The following MAGI3 variants were observed in gnomAD, a reference collection of about 807,000 sequenced individuals.
The protein encoded by MAGI3 is membrane-associated guanylate kinase, WW and PDZ domain-containing protein 3.
In MAGI3, 43 loss-of-function variants were observed where a neutral mutation model predicts 121.8. The ratio of observed to expected loss-of-function variants is 0.35; its 90% CI spans 0.28 to 0.46. The LOEUF (loss-of-function observed/expected upper bound fraction) is 0.46, where lower values mean the gene tolerates loss of function less well. Ranked by LOEUF, MAGI3 falls within the 20% of genes least tolerant of loss-of-function variation. The pLI, the probability that MAGI3 is intolerant of heterozygous loss-of-function variation, is 1.00. For synonymous variants in MAGI3, 553 were observed against 639.3 expected (o/e 0.86, Z 2.04); for missense variants, 1,547 against 1,797.3 (o/e 0.86, Z 2.52).
At chr1:113,578,546 G>A (rs927879425) in intron 2 of MAGI3, among the ~76,000 whole-genome samples, 3 of 151,878 alleles carry the variant, frequency 2.0e-5, no homozygotes, top group African/African-American at 7.3e-5. Context: ...TCAGCCTCAC[G>A]AGTGGCTAGG....
rs970086668 is a variant in MAGI3, at chr1:113,422,683, G to C, written c.316+31334G>C. On this transcript the variant is annotated intron_variant, in intron 1 of 20. Transcript: ENST00000307546. The surrounding 1 kb of genome is among the most constrained non-coding windows in gnomAD (Gnocchi z 4.3). Reference sequence around the variant, plus strand: ...CTTCTGCTGCGGGCACTAGTGTCTGGATAAGGGAACGTGGTGGCGCCTGAA... The same window carrying C: ...CTTCTGCTGCGGGCACTAGTGTCTGCATAAGGGAACGTGGTGGCGCCTGAA... 1.3e-5 allele frequency among the ~76,000 whole-genome samples: 2 copies of C among 152,350 alleles called. No homozygotes were observed. Among genetic ancestry groups the C allele is most frequent in the Admixed American group, 1.3e-4 (2 of 15,304 alleles).
chr1:113,403,675 A>T (rs1189563010), intron 1 of MAGI3: 1 of 152,158 alleles, frequency 6.6e-6, no homozygotes, highest in East Asian at 1.9e-4. Flanking sequence ...GAGACTGGAT[A>T]CTGACATGTT....
In MAGI3 at chr1:113,653,814, A is replaced by G. The variant is rs1653314501; in HGVS notation, c.2441-16A>G. ...TGATGTTCCAGACATATCAAAACTG[A>G]TCATGTTTATTACAGAAAAACAACC... On this transcript the variant is annotated splice_polypyrimidine_tract_variant and intron_variant, in intron 14 of 20. Transcript: ENST00000307546. 6.3e-7 allele frequency: 1 copy of G among 1,578,448 alleles called. No individual in the cohort carries two copies. Among genetic ancestry groups the G allele is most frequent in the East Asian group, 2.3e-5 (1 of 44,226 alleles).
At chr1:113,590,025 A>G (rs1648598285) in intron 4 of MAGI3, among the ~76,000 whole-genome samples, 1 of 152,096 alleles carries the variant, frequency 6.6e-6, no homozygotes, top group Non-Finnish European at 1.5e-5. Context: ...GTTTATTGGC[A>G]GTGTAATTTT....
At chr1:113,420,331 A>G (rs182768068) in intron 1 of MAGI3, among the ~76,000 whole-genome samples, 130 of 152,328 alleles carry the variant, frequency 8.5e-4, no homozygotes, top group East Asian at 3.1e-3. Context: ...GCCTTAAGGA[A>G]TTCAACTTTT....
intron 1 of MAGI3, among the ~76,000 whole-genome samples, chr1:113,411,642 A>G (rs968617277): frequency 2.2e-4 from 34 of 152,148 alleles, no homozygotes; most frequent in African/African-American, 7.7e-4. Context: ...ATTAAACAAA[A>G]CTTACTCGCT....
intron 2 of MAGI3, among the ~76,000 whole-genome samples, chr1:113,580,073 A>G (rs1274768732): frequency 6.6e-6 from 1 of 152,148 alleles, no homozygotes; most frequent in African/African-American, 2.4e-5. Context: ...TTATGAAACA[A>G]TTTACTTACT....
At chr1:113,424,860 G>T (rs1281133102) in intron 1 of MAGI3, among the ~76,000 whole-genome samples, 2 of 152,196 alleles carry the variant, frequency 1.3e-5, no homozygotes, top group Non-Finnish European at 2.9e-5. Context: ...GGGACCAGGT[G>T]TGGTGGCTCA....
chr1:113,578,023 T>A (rs1404608576), intron 2 of MAGI3, among the ~76,000 whole-genome samples: 1 of 152,218 alleles, frequency 6.6e-6, no homozygotes, highest in Non-Finnish European at 1.5e-5. Context: ...TTCTCATGAT[T>A]TCATGAGTTG....
intron 1 of MAGI3, among the ~76,000 whole-genome samples, chr1:113,534,031 C>T (rs985819972): frequency 6.6e-6 from 1 of 152,100 alleles, no homozygotes; most frequent in African/African-American, 2.4e-5. Flanking sequence ...ACAGCACTTC[C>T]CCTGCACATC....
At chr1:113,440,666 G>C (rs991607175) in intron 1 of MAGI3, among the ~76,000 whole-genome samples, 2 of 152,084 alleles carry the variant, frequency 1.3e-5, no homozygotes, top group African/African-American at 4.8e-5. Flanking sequence ...CTTCTACTAG[G>C]GATGAGCACA....
chr1:113,660,485 G>A (rs1055669900), intron 16 of MAGI3, among the ~76,000 whole-genome samples: 6 of 151,728 alleles, frequency 4.0e-5, no homozygotes, highest in African/African-American at 1.2e-4. Context: ...CCCCGCAACC[G>A]CAACTCCCAT....
intron 1 of MAGI3, among the ~76,000 whole-genome samples, chr1:113,425,015 C>T (rs1385661109): frequency 2.6e-5 from 4 of 151,626 alleles, no homozygotes; most frequent in Admixed American, 6.6e-5. Context: ...AAAAATTAGC[C>T]GGGTGTGGTG....
chr1:113,540,796 A>G (rs1185311299), intron 1 of MAGI3, among the ~76,000 whole-genome samples: 1 of 152,212 alleles, frequency 6.6e-6, no homozygotes, highest in Admixed American at 6.5e-5. Flanking sequence ...ATACACAGAA[A>G]CACTTGCTTT....
At chr1:113,516,231 G>T (rs145542737) in intron 1 of MAGI3, among the ~76,000 whole-genome samples, 16 of 151,788 alleles carry the variant, frequency 1.1e-4, no homozygotes. Flanking sequence ...CTGCTCAGTA[G>T]CAGTAAGCAG....
chr1:113,496,603 C>T (rs767304059), intron 1 of MAGI3, among the ~76,000 whole-genome samples: 116 of 152,098 alleles, frequency 7.6e-4, no homozygotes, highest in Non-Finnish European at 1.5e-3. Context: ...GTTTATTGAT[C>T]TATTTCTTAG....
intron 19 of MAGI3, among the ~76,000 whole-genome samples, chr1:113,680,291 G>T (rs549501985): frequency 6.6e-6 from 1 of 152,256 alleles, no homozygotes; most frequent in East Asian, 1.9e-4. Flanking sequence ...TTCACATTCG[G>T]ACATAGCTCT....
rs77624151 is a variant in MAGI3 at position 113,533,785 on chromosome 1, C to CTT, written c.317-15716_317-15715dup. 7.0e-3 allele frequency among the ~76,000 whole-genome samples: 948 copies of CTT among 135,266 alleles called. 11 individuals are homozygous for CTT. Among genetic ancestry groups the CTT allele is most frequent in the African/African-American group, 0.022 (805 of 36,518 alleles). 88.7% of individuals were successfully genotyped at this position (135,266 alleles called of 152,430 possible). ...GACTGTTTAAATATCTTTTCTTTTT[C>CTT]TTTTTTTTTTTTTTTGGAATCAGAT... On this transcript the variant is annotated intron_variant, in intron 1 of 20. Transcript: ENST00000307546.
chr1:113,669,445 G>C (rs539898626), intron 16 of MAGI3, among the ~76,000 whole-genome samples: 19 of 152,304 alleles, frequency 1.2e-4, no homozygotes, highest in African/African-American at 4.1e-4. Flanking sequence ...CAGAGGAGGT[G>C]ACAATTTGAA....
Sources: allele counts gnomAD v4.1 joint callset (sites outside exome capture counted in the v4.1 genomes callset), GRCh38; gene constraint gnomAD v4.1.1; non-coding constraint Gnocchi (gnomAD v3.1); transcripts MANE v1.5; gene names NCBI Gene and HGNC (gene_info 2026-07-23, HGNC 2026-07-21).